Variants in RIMS2 observed in about 807,000 individuals in gnomAD.
RIMS2 encodes regulating synaptic membrane exocytosis 2.
In RIMS2, 59 loss-of-function variants were observed where a neutral mutation model predicts 174.4. The observed-to-expected ratio is 0.34, with a 90% CI of 0.27 to 0.42. RIMS2 has a LOEUF of 0.42. Ranked by LOEUF, RIMS2 falls within the 10% of genes least tolerant of loss-of-function variation. RIMS2 has a pLI of 1.00. For synonymous variants in RIMS2, 606 were observed against 572.5 expected (o/e 1.06, Z -0.84); for missense variants, 1,620 against 1,666.3 (o/e 0.97, Z 0.48).
intron 3 of RIMS2, among the ~76,000 whole-genome samples, chr8:103,811,483 C>T (rs1302228587): frequency 2.6e-5 from 4 of 152,152 alleles, no homozygotes; most frequent in Non-Finnish European, 5.9e-5. Flanking sequence ...CTCACTCTGT[C>T]ACCCAGGCTG....
At chr8:104,086,243 A>G (rs371323605) in intron 19 of RIMS2, among the ~76,000 whole-genome samples, 2 of 139,096 alleles carry the variant, frequency 1.4e-5, no homozygotes, top group Non-Finnish European at 3.1e-5. Flanking sequence ...TTAGGATGTT[A>G]TTGGGGAATT....
intron 19 of RIMS2, among the ~76,000 whole-genome samples, chr8:104,179,852 A>G (rs1303259509): frequency 2.0e-5 from 3 of 151,804 alleles, no homozygotes; most frequent in East Asian, 1.9e-4. Context: ...TTGCTTCCTT[A>G]CTTACCTACC....
chr8:103,950,292 A>C (rs879735483), intron 14 of RIMS2, among the ~76,000 whole-genome samples: 3 of 152,190 alleles, frequency 2.0e-5, no homozygotes, highest in Non-Finnish European at 4.4e-5. Context: ...CATTACTCTA[A>C]TACCAACAAC....
chr8:103,808,071 T>C (rs2098662260), intron 3 of RIMS2, among the ~76,000 whole-genome samples: 1 of 152,140 alleles, frequency 6.6e-6, no homozygotes, highest in Non-Finnish European at 1.5e-5. Context: ...CTACATTTCA[T>C]AGGCTAGATC....
At chr8:104,251,859 CAAAAAA>C (rs34085789), downstream of RIMS2, 8 of 709,124 alleles carry the variant, frequency 1.1e-5, no homozygotes, top group Admixed American at 6.1e-5. Flanking sequence ...ACCAGCGTTA[CAAAAAA>C]AAAAAAAAAA....
chr8:103,765,268 G>T (rs970736858), intron 2 of RIMS2, among the ~76,000 whole-genome samples: 2 of 152,062 alleles, frequency 1.3e-5, no homozygotes, highest in Admixed American at 6.6e-5. Context: ...AGGGTGAAGG[G>T]CTTTCTGGCC....
chr8:103,894,210 A>G (rs1197286850), intron 4 of RIMS2, among the ~76,000 whole-genome samples: 1 of 151,690 alleles, frequency 6.6e-6, no homozygotes, highest in Non-Finnish European at 1.5e-5. Flanking sequence ...TTAATGTTTG[A>G]ATCTTAACTA....
chr8:103,610,344 C>G (rs984355648), intron 1 of RIMS2, among the ~76,000 whole-genome samples: 1 of 152,108 alleles, frequency 6.6e-6, no homozygotes, highest in African/African-American at 2.4e-5. Context: ...TCTCATTGCT[C>G]TGGTCAGGAC....
intron 4 of RIMS2, among the ~76,000 whole-genome samples, chr8:103,887,720 T>TAG (rs2099213223): frequency 6.6e-6 from 1 of 151,588 alleles, no homozygotes; most frequent in Non-Finnish European, 1.5e-5. Flanking sequence ...ATGGAATCAT[T>TAG]TTATACTGTA....
chr8:104,013,516 C>T, exon 18 of RIMS2: 1 of 1,613,508 alleles, frequency 6.2e-7, no homozygotes, highest in Non-Finnish European at 8.5e-7. Context: ...CTTGAGCGGA[C>T]CACCACCCGC....
At chr8:103,979,689 T>C (rs1207195132) in intron 16 of RIMS2, among the ~76,000 whole-genome samples, 2 of 151,998 alleles carry the variant, frequency 1.3e-5, no homozygotes, top group African/African-American at 4.8e-5. Context: ...TTGAGGAGGG[T>C]TGGAGAGACA....
intron 2 of RIMS2, among the ~76,000 whole-genome samples, chr8:103,732,724 C>T (rs1017491274): frequency 2.0e-5 from 3 of 152,150 alleles, no homozygotes; most frequent in African/African-American, 4.8e-5. Flanking sequence ...TCACCACCAC[C>T]GCGGACCTAT....
chr8:104,200,978 T>C (rs927910443), intron 19 of RIMS2, among the ~76,000 whole-genome samples: 1 of 152,206 alleles, frequency 6.6e-6, no homozygotes, highest in Non-Finnish European at 1.5e-5. Flanking sequence ...TTTTTGTTTT[T>C]CTCTCAACTT....
chr8:103,699,127 C>T (rs976526566), intron 2 of RIMS2, among the ~76,000 whole-genome samples: 2 of 152,178 alleles, frequency 1.3e-5, no homozygotes, highest in African/African-American at 4.8e-5. Flanking sequence ...TTGGCCTAAA[C>T]TTGTTCATAG....
intron 19 of RIMS2, among the ~76,000 whole-genome samples, chr8:104,077,443 C>T (rs775872318): frequency 4.6e-5 from 7 of 151,434 alleles, no homozygotes; most frequent in Non-Finnish European, 5.9e-5. Flanking sequence ...AAAAATGATA[C>T]TTTTAAAAGC....
At chr8:103,589,559 A>G (rs921495842) in intron 1 of RIMS2, among the ~76,000 whole-genome samples, 7 of 151,568 alleles carry the variant, frequency 4.6e-5, no homozygotes, top group Non-Finnish European at 1.0e-4. Flanking sequence ...ACCATATGAT[A>G]CAGTACACCC....
At chr8:104,115,274 G>A (rs2098261802) in intron 19 of RIMS2, among the ~76,000 whole-genome samples, 1 of 152,040 alleles carries the variant, frequency 6.6e-6, no homozygotes. Flanking sequence ...GTGCTAGCTT[G>A]ACAATAGCAT....
At chr8:103,579,274 G>GACAC (rs781702059) in intron 1 of RIMS2, among the ~76,000 whole-genome samples, 27,172 of 149,066 alleles carry the variant, frequency 0.18, 2,653 homozygotes, top group African/African-American at 0.26. Context: ...CACACACACA[G>GACAC]ACACACACAC....
At chr8:104,100,957 G>GATATATT (rs1414385462) in intron 19 of RIMS2, among the ~76,000 whole-genome samples, 3 of 117,218 alleles carry the variant, frequency 2.6e-5, no homozygotes, top group East Asian at 5.0e-4. Flanking sequence ...TAGTATATAT[G>GATATATT]ATATATTATA....
Sources: allele counts gnomAD v4.1 joint callset (sites outside exome capture counted in the v4.1 genomes callset), GRCh38; gene constraint gnomAD v4.1.1; transcripts MANE v1.5; gene names NCBI Gene and HGNC (gene_info 2026-07-23, HGNC 2026-07-21).